Variants in KIFC2 observed in about 807,000 individuals in gnomAD.
The protein encoded by KIFC2 is kinesin family member C2.
KIFC2 carries 94 observed loss-of-function variants against 91.5 expected under a neutral mutation model. The ratio of observed to expected loss-of-function variants is 1.03; its 90% CI spans 0.87 to 1.22. The LOEUF (loss-of-function observed/expected upper bound fraction) is 1.22. KIFC2 is among the 50% of genes most tolerant of loss of function. The pLI, the probability that KIFC2 is intolerant of heterozygous loss-of-function variation, is 0.00. For missense variants in KIFC2, 1,357 were observed against 1,103.3 expected (o/e 1.23, Z -3.26); for synonymous variants, 729 against 503.9 (o/e 1.45, Z -5.98).
Position 144,473,328 on chromosome 8 carries a change from G to C in KIFC2, c.2315G>C (p.Cys772Ser). Residue 772 changes from cysteine (C) to serine (S), a missense_variant, in exon 18 of 18, where the codon TGC becomes TCC. Physicochemically the swap from Cys to Ser is moderately radical, Grantham distance 112. Coordinates refer to ENST00000645548, the MANE Select transcript of KIFC2 (RefSeq NM_001369769.2). ...TPTPSPGSPP[C>S]PSPDNGSGSA... ...ACGCCGTCCCCTGGCAGTCCTCCAT[G>C]CCCCAGTCCCGACAACGGCTCGGGC... 1 of 1,600,386 alleles carries C rather than the reference G, an allele frequency of 6.2e-7. No homozygotes were observed. Among genetic ancestry groups the C allele is most frequent in the Non-Finnish European group, 8.5e-7 (1 of 1,175,028 alleles).
At chr8:144,468,970 G>A (rs553916452) in intron 10 of KIFC2, 136 bp downstream of exon 10, 6 of 698,016 alleles carry the variant, frequency 8.6e-6, no homozygotes, top group South Asian at 5.5e-5. Context: ...GTGACCCAGG[G>A]TGGGATTCCA....
chr8:144,466,921 G>C lies in KIFC2; in HGVS notation c.179-38G>C, dbSNP rs191054763. Reference sequence around the variant, plus strand: ...GGGCGGAGGCCTGGCTCAAGCACGTGACCCGAAATGTCTCCCGCCCTCCTC... The same window carrying C: ...GGGCGGAGGCCTGGCTCAAGCACGTCACCCGAAATGTCTCCCGCCCTCCTC... On this transcript the variant is annotated intron_variant, in intron 2 of 17. Transcript: ENST00000645548. 2.1e-3 allele frequency: 3,271 copies of C among 1,573,730 alleles called. 118 individuals carry two copies. The Admixed American group carries it at 0.051, about 25-fold the overall frequency.
rs1401185995 is a variant in KIFC2, at chr8:144,473,605, G to C, written c.*216G>C. 2 of 638,814 alleles carry C rather than the reference G, an allele frequency of 3.1e-6. No individual in the cohort carries two copies. Among genetic ancestry groups the C allele is most frequent in the East Asian group, 3.3e-5 (1 of 30,368 alleles). The allele number at this position is 638,814 out of a possible 1,614,324, so 39.6% of individuals were successfully genotyped here. A position where few individuals can be genotyped will look rare whatever the true frequency, so the allele number is the denominator to read the frequency against. On this transcript the variant is annotated 3_prime_UTR_variant, in exon 18 of 18. Transcript: ENST00000645548. ...ACCCCCCGCCCCCAGCCCTGCATCA[G>C]GCCACAGGTCTTGGCTTTCTCCTTA... is the stretch of plus-strand genomic sequence containing the variant.
Position 144,466,501 on chromosome 8 carries a change from C to A in KIFC2, c.82C>A (p.Pro28Thr). ...TGGTGGCGCCGCGGCGGCCGCGGAG[C>A]CCGGGGACCCCGCCCAGGTGAGCGG... ...RDGGAAAAAE[P>T]GDPAQRARKP... The change falls in exon 1 of 18, where the codon CCC (proline) becomes ACC (threonine). Residue 28 changes from proline (P) to threonine (T), a missense_variant. Pro to Thr is a conservative substitution (Grantham distance 38). Coordinates refer to ENST00000645548, the MANE Select transcript of KIFC2 (RefSeq NM_001369769.2). 1 of 1,299,084 alleles carries A rather than the reference C, an allele frequency of 7.7e-7. No homozygotes were observed. Among genetic ancestry groups the A allele is most frequent in the South Asian group, 2.0e-5 (1 of 48,858 alleles). The allele number at this position is 1,299,084 out of a possible 1,614,324, so 80.5% of individuals were successfully genotyped here.
Position 144,467,962 on chromosome 8 carries a change from C to A in KIFC2, c.785C>A (p.Pro262His), listed in dbSNP as rs1422178395. The A allele has an allele frequency of 1.3e-6, 2 of 1,586,320 alleles. No homozygotes were observed. Among genetic ancestry groups the A allele is most frequent in the African/African-American group, 2.7e-5 (2 of 73,240 alleles). The change falls in exon 7 of 18, where the codon CCC (proline) becomes CAC (histidine). Residue 262 changes from proline (P) to histidine (H), a missense_variant. Transcript: ENST00000645548. ...LMRDLLLHWG[P>H]GPPIRAPQEE... ...CGGGACCTCCTGCTGCACTGGGGCC[C>A]CGGGCCCCCCATCAGGGCTCCGCAG...
chr8:144,469,002 C>T lies in KIFC2; in HGVS notation c.1113+168C>T, dbSNP rs549606658. Among the ~76,000 whole-genome samples the T allele has an allele frequency of 3.9e-5, 6 of 152,282 alleles. No homozygotes were observed. In the South Asian group the frequency reaches 1.0e-3, roughly 26 times the overall value. On this transcript the variant is annotated intron_variant, in intron 10 of 17. Transcript: ENST00000645548. ...TCCACTTCTGGGCCTTATTTTAATT[C>T]TATGCATACTTGGTTGACAGTAAAC...
chr8:144,466,785 G>GGCGCCCAGACCTGCCC lies in KIFC2; in HGVS notation c.131_146dup (p.Glu50ArgfsTer21), dbSNP rs1564745918. On this transcript the variant is annotated frameshift_variant, in exon 2 of 18. Coordinates refer to ENST00000645548, the MANE Select transcript of KIFC2 (RefSeq NM_001369769.2). LOFTEE classifies it high-confidence loss of function. ...AGAGCCCGCAAGCCCCGGGGTCGCC[G>GGCGCCCAGACCTGCCC]GCGCCCAGACCTGCCCGCGCCAGAG... is the stretch of plus-strand genomic sequence containing the variant. The GGCGCCCAGACCTGCCC allele has an allele frequency of 1.3e-6, 2 of 1,533,486 alleles. No individual in the cohort carries two copies. Among genetic ancestry groups the GGCGCCCAGACCTGCCC allele is most frequent in the Non-Finnish European group, 1.7e-6 (2 of 1,147,122 alleles). The allele number at this position is 1,533,486 out of a possible 1,614,324, so 95.0% of individuals were successfully genotyped here.
chr8:144,467,690 C>A, intron 5 of KIFC2, 24 bp from the exon 6 acceptor site: 2 of 1,612,852 alleles, frequency 1.2e-6, no homozygotes, highest in Non-Finnish European at 1.7e-6. Flanking sequence ...GGAGGTCCAC[C>A]CTGTCTCTCT....
At chr8:144,466,176 T>G, upstream of KIFC2, 1 of 170,070 alleles carries the variant, frequency 5.9e-6, no homozygotes, top group Non-Finnish European at 1.2e-5. Flanking sequence ...CTCAGCCCGG[T>G]GTCCGCGGTG....
In KIFC2 at chr8:144,472,400, G is replaced by C. The variant is rs769549555; in HGVS notation, c.1647G>C (p.Val549=). The stretch of plus-strand genomic sequence containing the variant: ...CAGGGCCTCCCGAGCGCCTGGCCGT[G>C]AGGCAGGGCCCAGAAGGCCAGGGCG... The part of the protein sequence containing the change: ...LAPGPPERLA[V]RQGPEGQGGI... The change falls in exon 15 of 18, where the codon GTG becomes GTC. Residue 549 remains valine, a synonymous_variant. Transcript: ENST00000645548. 1 of 1,613,270 alleles carries C rather than the reference G, an allele frequency of 6.2e-7. No homozygotes were observed. Among genetic ancestry groups the C allele is most frequent in the South Asian group, 1.1e-5 (1 of 91,082 alleles).
Position 144,474,146 on chromosome 8 carries a change from G to T in KIFC2, c.*757G>T, listed in dbSNP as rs1318129170. ...GGCTGCTGCCTGGTGTTTCGAGGCT[G>T]CTGTGGTCGCAGACAGCCGCCTCGC... On this transcript the variant is annotated 3_prime_UTR_variant, in exon 18 of 18. Transcript: ENST00000645548. The T allele has an allele frequency of 4.1e-6, 4 of 983,434 alleles. No individual in the cohort carries two copies. The highest frequency in any genetic ancestry group is 5.7e-5 in the Admixed American group (2 of 35,074). The allele number at this position is 983,434 out of a possible 1,614,324, so 60.9% of individuals were successfully genotyped here.
At chr8:144,470,169 G>A (rs969083847) in intron 12 of KIFC2, among the ~76,000 whole-genome samples, 3 of 152,258 alleles carry the variant, frequency 2.0e-5, no homozygotes, top group Non-Finnish European at 4.4e-5. Flanking sequence ...GGGAGACTAG[G>A]TAAGGGGCAG....
At chr8:144,469,846 C>T (rs1824857275) in intron 12 of KIFC2, among the ~76,000 whole-genome samples, 199 bp downstream of exon 12, 1 of 152,258 alleles carries the variant, frequency 6.6e-6, no homozygotes, top group African/African-American at 2.4e-5. Context: ...TCCTCCCAGG[C>T]TTCACTGCCT....
At chr8:144,467,420 G>C in intron 4 of KIFC2, 65 bp from the exon 5 acceptor site, 2 of 1,542,756 alleles carry the variant, frequency 1.3e-6, no homozygotes, top group Non-Finnish European at 1.7e-6. Context: ...TGGAGTTCGG[G>C]GTCATGTTCC....
In KIFC2 at chr8:144,472,826, C is replaced by T. The variant is rs945759030; in HGVS notation, c.1893C>T (p.Ser631=). Residue 631 remains serine (S), a synonymous_variant, in exon 17 of 18, where the codon TCC becomes TCT. Coordinates refer to ENST00000645548, the MANE Select transcript of KIFC2 (RefSeq NM_001369769.2). ...GTLHLVDLAG[S]ERARKAGAAG... Reference sequence around the variant, plus strand: ...TGCACCTGGTGGACCTGGCGGGATCCGAACGCGCACGGAAGGCAGGGGCGG... The same window carrying T: ...TGCACCTGGTGGACCTGGCGGGATCTGAACGCGCACGGAAGGCAGGGGCGG... The T allele has an allele frequency of 1.9e-6, 3 of 1,575,578 alleles. No homozygotes were observed. Among genetic ancestry groups the T allele is most frequent in the Admixed American group, 3.5e-5 (2 of 56,940 alleles).
chr8:144,466,563 C>G (rs1824646393), intron 1 of KIFC2, 45 bp downstream of exon 1: 2 of 1,041,524 alleles, frequency 1.9e-6, no homozygotes, highest in South Asian at 4.0e-5. Context: ...CGCCGCCTGC[C>G]CCACCCCCAC....
intron 12 of KIFC2, among the ~76,000 whole-genome samples, chr8:144,471,415 A>G (rs1277461666): frequency 6.6e-6 from 1 of 150,734 alleles, no homozygotes; most frequent in Non-Finnish European, 1.5e-5. Context: ...GGCTCAAGAG[A>G]TCCTTCCACC....
At chr8:144,470,306 C>T (rs1395712349) in intron 12 of KIFC2, among the ~76,000 whole-genome samples, 6 of 152,242 alleles carry the variant, frequency 3.9e-5, no homozygotes, top group African/African-American at 1.4e-4. Flanking sequence ...TCCCACACAT[C>T]CCTCTGGCCT....
At position 144,473,460 on chromosome 8, in the gene KIFC2, T is replaced by C. The variant is rs1420506708; in HGVS notation, c.*71T>C. ...CTGGCAGAGGCGGTAGTAAAGTCCC[T>C]GTACCCCGTCTCCCAGGGCACAAGC... On this transcript the variant is annotated 3_prime_UTR_variant, in exon 18 of 18. Coordinates refer to ENST00000645548, the MANE Select transcript of KIFC2 (RefSeq NM_001369769.2). 2.7e-6 allele frequency: 4 copies of C among 1,480,304 alleles called. No individual in the cohort carries two copies. The highest frequency in any genetic ancestry group is 1.3e-5 in the South Asian group (1 of 74,818). 91.7% of individuals were successfully genotyped at this position (1,480,304 alleles called of 1,614,324 possible).
Sources: allele counts gnomAD v4.1 joint callset (sites outside exome capture counted in the v4.1 genomes callset), GRCh38; gene constraint gnomAD v4.1.1; transcripts MANE v1.5; gene names NCBI Gene and HGNC (gene_info 2026-07-23, HGNC 2026-07-21).